The following KCNAB2 variants were observed in gnomAD, a reference collection of about 807,000 sequenced individuals.
The protein encoded by KCNAB2 is voltage-gated potassium channel subunit beta-2.
Under a neutral mutation model 63.6 loss-of-function variants are expected in KCNAB2, and 29 were observed. The ratio of observed to expected loss-of-function variants is 0.46; its 90% confidence interval spans 0.34 to 0.62. KCNAB2 has a LOEUF of 0.62. KCNAB2 is among the 20% of genes least tolerant of loss of function. The probability of loss-of-function intolerance (pLI) is 0.01; values close to 1 mark genes in which losing one functional copy is unlikely to be tolerated. For synonymous variants in KCNAB2, 222 were observed against 224.2 expected, an observed-to-expected ratio of 0.99 and a Z score of 0.09; for missense variants, 359 against 563.9, an observed-to-expected ratio of 0.64 and a Z score of 3.68.
chr1:6,041,704 G>A (rs1454754734), upstream of KCNAB2: 5 of 788,964 alleles, frequency 6.3e-6, no homozygotes, highest in Non-Finnish European at 2.1e-6. Flanking sequence ...GGCGACTGGT[G>A]GGGGCCCGGG....
chr1:6,060,565 C>T (rs566713063), intron 2 of KCNAB2, among the ~76,000 whole-genome samples: 186 of 152,300 alleles, frequency 1.2e-3, no homozygotes, highest in Non-Finnish European at 1.9e-3. Context: ...GATGCAGACC[C>T]TCAGTCTCAC....
intron 1 of KCNAB2, among the ~76,000 whole-genome samples, chr1:6,002,333 A>C (rs944071288): frequency 3.9e-5 from 6 of 152,238 alleles, no homozygotes; most frequent in African/African-American, 1.4e-4. Context: ...AACAACAGGC[A>C]GTGCCCAAGG....
upstream of KCNAB2, among the ~76,000 whole-genome samples, chr1:6,030,394 A>C (rs1048338580): frequency 6.6e-6 from 1 of 152,202 alleles, no homozygotes; most frequent in African/African-American, 2.4e-5. Flanking sequence ...TCCGGTGGCC[A>C]AAGCAAGTCA....
chr1:6,062,300 A>AAAAAAAAAAGAAGTCC (rs1662386270), intron 2 of KCNAB2, among the ~76,000 whole-genome samples: 1 of 150,220 alleles, frequency 6.7e-6, no homozygotes, highest in Non-Finnish European at 1.5e-5. Context: ...GGCAACAAGA[A>AAAAAAAAAAGAAGTCC]AAAAAAAAAG....
chr1:6,055,831 C>G (rs1245573181), intron 2 of KCNAB2, among the ~76,000 whole-genome samples: 1 of 152,182 alleles, frequency 6.6e-6, no homozygotes, highest in Non-Finnish European at 1.5e-5. Flanking sequence ...TATTAAAGAT[C>G]CCAGATAAAT....
chr1:5,995,805 A>T (rs1656908584), intron 1 of KCNAB2: 1 of 152,296 alleles, frequency 6.6e-6, no homozygotes, highest in Non-Finnish European at 1.5e-5. Flanking sequence ...GCAGCAGTGA[A>T]ACTGATCCTG....
intron 2 of KCNAB2, among the ~76,000 whole-genome samples, chr1:6,072,411 C>T (rs72862353): frequency 0.04 from 6,148 of 152,270 alleles, 374 homozygotes; most frequent in African/African-American, 0.14. Context: ...CTGCAAGGGG[C>T]GCCGCATGGA....
intron 1 of KCNAB2, among the ~76,000 whole-genome samples, chr1:6,013,979 G>A (rs1462015835): frequency 1.3e-5 from 2 of 152,194 alleles, no homozygotes; most frequent in African/African-American, 4.8e-5. Context: ...CTCACCAGGT[G>A]ACCAAGGCAG....
At chr1:6,092,509 G>A (rs377290704) in intron 10 of KCNAB2, among the ~76,000 whole-genome samples, 127 of 152,364 alleles carry the variant, frequency 8.3e-4, no homozygotes, top group Non-Finnish European at 1.6e-3. Context: ...GCTTCCCTCT[G>A]TCTGGCATGT....
At chr1:6,008,456 A>G (rs1657953311) in intron 1 of KCNAB2, among the ~76,000 whole-genome samples, 1 of 152,162 alleles carries the variant, frequency 6.6e-6, no homozygotes, top group Non-Finnish European at 1.5e-5. Context: ...CCCCGTCTCT[A>G]CTAAAAATAC....
At chr1:6,030,787 TGTGTGTAG>T (rs112198830), upstream of KCNAB2, among the ~76,000 whole-genome samples, 5,166 of 117,424 alleles carry the variant, frequency 0.044, 229 homozygotes, top group African/African-American at 0.11. Flanking sequence ...TGTGTGTGTA[TGTGTGTAG>T]GTGTGTAGGT....
intron 11 of KCNAB2, 51 bp from the exon 12 acceptor site, chr1:6,095,271 CT>C: frequency 6.5e-7 from 1 of 1,550,138 alleles, no homozygotes; most frequent in Non-Finnish European, 8.7e-7. Context: ...CCCCGGCAGC[CT>C]CCCGCCTGCT....
upstream of KCNAB2, among the ~76,000 whole-genome samples, chr1:6,043,824 C>G (rs1660703758): frequency 6.6e-6 from 1 of 152,222 alleles, no homozygotes; most frequent in Admixed American, 6.5e-5. Context: ...AGCTGTCCAC[C>G]AAGTGCTGCA....
chr1:6,051,323 G>A (rs189565375), intron 1 of KCNAB2, among the ~76,000 whole-genome samples, 188 bp from the exon 2 acceptor site: 2 of 152,330 alleles, frequency 1.3e-5, no homozygotes, highest in Admixed American at 6.5e-5. Flanking sequence ...ACTGCTTTGC[G>A]GACTGAGAAT....
intron 1 of KCNAB2, among the ~76,000 whole-genome samples, chr1:6,016,941 A>G (rs745340191): frequency 5.3e-5 from 8 of 152,190 alleles, no homozygotes; most frequent in Non-Finnish European, 8.8e-5. Flanking sequence ...AGAGGAGGTT[A>G]TGGTCTCACA....
chr1:6,029,015 G>A lies in KCNAB2; in HGVS notation c.-52-11502G>A, dbSNP rs145990675. Among the ~76,000 whole-genome samples the A allele has an allele frequency of 2.9e-3, 443 of 152,306 alleles. 2 individuals carry two copies. The highest frequency in any genetic ancestry group is 0.014 in the Middle Eastern group (4 of 294). ...TTCACACTTGGGTGTGGCTGGTCACGTCTATAAAAATGAGCCTTCACTTTG... is the reference window on the plus strand; with the variant it reads ...TTCACACTTGGGTGTGGCTGGTCACATCTATAAAAATGAGCCTTCACTTTG... On this transcript the variant is annotated intron_variant, in intron 1 of 16. Transcript: ENST00000341524.
At chr1:6,058,716 C>A in intron 2 of KCNAB2, among the ~76,000 whole-genome samples, 1 of 152,234 alleles carries the variant, frequency 6.6e-6, no homozygotes, top group Non-Finnish European at 1.5e-5. Flanking sequence ...GCCGCGCAGA[C>A]AAGGGGCGGA....
intron 10 of KCNAB2, among the ~76,000 whole-genome samples, chr1:6,091,511 T>G (rs935706743): frequency 5.7e-5 from 8 of 140,766 alleles, no homozygotes; most frequent in East Asian, 4.8e-4. Flanking sequence ...CAGCCCCCCA[T>G]CCCCTCGTTC....
chr1:6,082,962 C>T (rs1046372865), intron 5 of KCNAB2, among the ~76,000 whole-genome samples: 4 of 152,174 alleles, frequency 2.6e-5, no homozygotes, highest in Admixed American at 6.5e-5. Flanking sequence ...GCAGCTGCTT[C>T]GTGGGCCCTG....
Sources: gnomAD v4.1 joint callset for allele counts (sites outside exome capture counted in the v4.1 genomes callset) on GRCh38, gnomAD v4.1.1 for gene constraint, MANE v1.5 for transcripts, NCBI Gene and HGNC (gene_info 2026-07-23, HGNC 2026-07-21) for gene names.